The following BCAS3 variants were observed in gnomAD, a reference collection of about 807,000 sequenced individuals.
The protein encoded by BCAS3 is BCAS4/BCAS3 fusion.
A neutral mutation model predicts 116.1 loss-of-function variants in BCAS3; 53 were observed. The ratio of observed to expected loss-of-function variants is 0.46; its 90% CI spans 0.37 to 0.57. BCAS3 has a LOEUF of 0.57. Among genes scored for constraint, BCAS3 ranks in the 20% least tolerant of loss-of-function variants. BCAS3 has a pLI of 0.00. For synonymous variants in BCAS3, 391 were observed against 408.2 expected (o/e 0.96, Z 0.51); for missense variants, 917 against 1,165.4 (o/e 0.79, Z 3.10).
Position 61,037,916 on chromosome 17 carries a change from C to T in BCAS3, c.1790C>T (p.Ser597Phe). ...KDQSKQVVVESLYIISCYGTL... is the reference protein window; with the variant it reads ...KDQSKQVVVEFLYIISCYGTL... Reference sequence around the variant, plus strand: ...CAGTCCAAACAAGTTGTAGTTGAGTCCCTGTACATTATCAGTTGCTATGGC... The same window carrying T: ...CAGTCCAAACAAGTTGTAGTTGAGTTCCTGTACATTATCAGTTGCTATGGC... Residue 597 changes from serine to phenylalanine, a missense_variant, in exon 18 of 24, where the codon TCC (serine) becomes TTC (phenylalanine). Ser to Phe is a radical substitution (Grantham distance 155). Around this residue, in one of 3 missense-constraint regions of BCAS3, gnomAD observed 807 missense variants for 1,026.0 expected, o/e 0.79. Transcript: ENST00000407086. This position sits in a 1 kb window ranked among gnomAD's most constrained non-coding sequence, Gnocchi z 4.7. The T allele has an allele frequency of 6.2e-7, 1 of 1,613,994 alleles. No homozygotes were observed.
chr17:61,152,567 G>C (rs1454348704), intron 22 of BCAS3, among the ~76,000 whole-genome samples: 19 of 152,138 alleles, frequency 1.2e-4, no homozygotes, highest in Admixed American at 1.2e-3. Flanking sequence ...TAGTGCTAAG[G>C]CTTGAACATG....
Position 61,355,055 on chromosome 17 carries a change from G to A in BCAS3, c.2426-13272G>A, listed in dbSNP as rs1237746887. ...TTTGAAATTCCCAAGGCCAGCAGGG[G>A]GCCCAGGCCTGCAAAGCTGGGCCTC... On this transcript the variant is annotated intron_variant, in intron 22 of 23. Transcript: ENST00000407086. This position sits in a 1 kb window ranked among gnomAD's most constrained non-coding sequence, Gnocchi z 4.2. 6.6e-6 allele frequency: 1 copy of A among 152,098 alleles called. No individual in the cohort carries two copies. Among genetic ancestry groups the A allele is most frequent in the African/African-American group, 2.4e-5 (1 of 41,432 alleles). The allele number at this position is 152,098 out of a possible 1,614,324, so 9.4% of individuals were successfully genotyped here.
At chr17:61,275,820 G>A (rs754971987) in intron 22 of BCAS3, among the ~76,000 whole-genome samples, 3 of 152,144 alleles carry the variant, frequency 2.0e-5, no homozygotes, top group Non-Finnish European at 2.9e-5. Flanking sequence ...CCTTCAGAGC[G>A]TAATGATTGC....
chr17:61,060,514 A>G (rs2069900164), intron 19 of BCAS3, among the ~76,000 whole-genome samples: 1 of 152,156 alleles, frequency 6.6e-6, no homozygotes, highest in African/African-American at 2.4e-5. Context: ...AAGTATTACT[A>G]TGATTTTTTA....
rs141781783 is a variant in BCAS3, at chr17:61,235,170, A to G, written c.2426-133157A>G. Among the ~76,000 whole-genome samples, 1,003 of 152,302 alleles carry G rather than the reference A, an allele frequency of 6.6e-3. 13 individuals are homozygous for G. Among genetic ancestry groups the G allele is most frequent in the African/African-American group, 0.023 (958 of 41,564 alleles). On this transcript the variant is annotated intron_variant, in intron 22 of 23. Transcript: ENST00000407086. The surrounding 1 kb of genome is among the most constrained non-coding windows in gnomAD (Gnocchi z 5.0). ...CCAAAGTGCTGGGATTATAGGCGTG[A>G]ACCACCACGCCTGGCTGTCTGCCCC...
At position 61,307,084 on chromosome 17, in the gene BCAS3, C is replaced by T. The variant is rs2144762589; in HGVS notation, c.2426-61243C>T. ...TTCAGTATTGATCAGGGAGTCATTC[C>T]CACTGAGTCCTTCAAGTTTTCTTTT... On this transcript the variant is annotated intron_variant, in intron 22 of 23. Transcript: ENST00000407086. This position sits in a 1 kb window ranked among gnomAD's most constrained non-coding sequence, Gnocchi z 4.7. Among the ~76,000 whole-genome samples the T allele has an allele frequency of 6.6e-6, 1 of 152,306 alleles. No individual in the cohort carries two copies. The highest frequency in any genetic ancestry group is 2.4e-5 in the African/African-American group (1 of 41,564).
In BCAS3 at chr17:61,313,546, G is replaced by A. The variant is rs2054496474; in HGVS notation, c.2426-54781G>A. Among the ~76,000 whole-genome samples the A allele has an allele frequency of 6.6e-6, 1 of 152,158 alleles. No homozygotes were observed. The highest frequency in any genetic ancestry group is 6.5e-5 in the Admixed American group (1 of 15,280). Reference sequence around the variant, plus strand: ...CCCCACAGGAGAGGCCTGGCTGAACGGGGATTTGTGTGGGCCAGACAATGT... The same window carrying A: ...CCCCACAGGAGAGGCCTGGCTGAACAGGGATTTGTGTGGGCCAGACAATGT... On this transcript the variant is annotated intron_variant, in intron 22 of 23. Coordinates refer to ENST00000407086, the MANE Select transcript of BCAS3 (RefSeq NM_017679.5). The surrounding 1 kb of genome is among the most constrained non-coding windows in gnomAD (Gnocchi z 4.3).
At chr17:61,080,372 C>T (rs185210806) in intron 21 of BCAS3, among the ~76,000 whole-genome samples, 83 of 152,298 alleles carry the variant, frequency 5.4e-4, no homozygotes, top group Non-Finnish European at 1.1e-3. Flanking sequence ...CTAATGCCAG[C>T]ACCCTAGCAA....
rs548919785 is a variant in BCAS3 at position 61,199,424 on chromosome 17, C to G, written c.2425+114860C>G. ...TCGACATCATACTGACTACAAATTA[C>G]CTCCCCTAGTTTAAAGGCAAATAGT... On this transcript the variant is annotated intron_variant, in intron 22 of 23. Coordinates refer to ENST00000407086, the MANE Select transcript of BCAS3 (RefSeq NM_017679.5). This position sits in a 1 kb window ranked among gnomAD's most constrained non-coding sequence, Gnocchi z 4.6. Among the ~76,000 whole-genome samples the G allele has an allele frequency of 6.6e-6, 1 of 152,196 alleles. No individual in the cohort carries two copies. The highest frequency in any genetic ancestry group is 2.4e-5 in the African/African-American group (1 of 41,454).
At chr17:61,100,852 A>T (rs2074282095) in intron 22 of BCAS3, among the ~76,000 whole-genome samples, 1 of 148,834 alleles carries the variant, frequency 6.7e-6, no homozygotes, top group African/African-American at 2.6e-5. Flanking sequence ...TCTGTTTTTA[A>T]CAACATACTT....
At chr17:61,225,736 A>G (rs1381238142) in intron 22 of BCAS3, among the ~76,000 whole-genome samples, 2 of 152,164 alleles carry the variant, frequency 1.3e-5, no homozygotes, top group Non-Finnish European at 2.9e-5. Context: ...TATTATCCCT[A>G]CAATCCAGAA....
At position 61,281,948 on chromosome 17, in the gene BCAS3, C is replaced by CTG. The variant is rs2051283969; in HGVS notation, c.2426-86378_2426-86377insGT. ...TTGTGCACATAATAGATGTTCAAGA[C>CTG]TTTTTTCTAAACAGCTATTTCAATT... On this transcript the variant is annotated intron_variant, in intron 22 of 23. Coordinates refer to ENST00000407086, the MANE Select transcript of BCAS3 (RefSeq NM_017679.5). The surrounding 1 kb of genome is among the most constrained non-coding windows in gnomAD (Gnocchi z 4.2). 1.3e-5 allele frequency among the ~76,000 whole-genome samples: 2 copies of CTG among 152,076 alleles called. No individual in the cohort carries two copies. The highest frequency in any genetic ancestry group is 4.1e-4 in the South Asian group (2 of 4,832).
chr17:61,148,648 A>G (rs1027895988), intron 22 of BCAS3, among the ~76,000 whole-genome samples: 2 of 152,072 alleles, frequency 1.3e-5, no homozygotes, highest in Non-Finnish European at 2.9e-5. Context: ...TGTATGTTCC[A>G]CTCCATTTTA....
Position 61,219,956 on chromosome 17 carries a change from G to A in BCAS3, c.2425+135392G>A, listed in dbSNP as rs1168127792. Among the ~76,000 whole-genome samples the A allele has an allele frequency of 6.6e-6, 1 of 152,140 alleles. No individual in the cohort carries two copies. The highest frequency in any genetic ancestry group is 1.5e-5 in the Non-Finnish European group (1 of 68,026). On this transcript the variant is annotated intron_variant, in intron 22 of 23. Transcript: ENST00000407086. The surrounding 1 kb of genome is among the most constrained non-coding windows in gnomAD (Gnocchi z 5.2). ...AGAGGGTCTAACCAGAAATAAGTTT[G>A]CCATTCCCACAACCTTTCAGAGGAA...
rs373563253 is a variant in BCAS3, at chr17:61,201,820, G to A, written c.2425+117256G>A. Among the ~76,000 whole-genome samples the A allele has an allele frequency of 8.5e-4, 129 of 150,896 alleles. 1 individual carries two copies. The highest frequency in any genetic ancestry group is 3.5e-3 in the Middle Eastern group (1 of 286). On this transcript the variant is annotated intron_variant, in intron 22 of 23. Transcript: ENST00000407086. ...GTCGCCCAGGCTGCAGTGCAGTGGC[G>A]CAATCTCGGCTCACTGCAACCTCCG...
intron 4 of BCAS3, among the ~76,000 whole-genome samples, chr17:60,704,742 G>A (rs1372093205): frequency 1.3e-5 from 2 of 151,982 alleles, no homozygotes; most frequent in Non-Finnish European, 2.9e-5. Context: ...GGAGGCTGAG[G>A]CAGGAGAATC....
chr17:61,080,754 C>T (rs1221583227), intron 21 of BCAS3, among the ~76,000 whole-genome samples: 2 of 152,078 alleles, frequency 1.3e-5, no homozygotes, highest in South Asian at 2.1e-4. Context: ...AGTGAGACTC[C>T]GTCTCAAAAC....
At chr17:61,303,925 G>A (rs994884349) in intron 22 of BCAS3, among the ~76,000 whole-genome samples, 1 of 152,116 alleles carries the variant, frequency 6.6e-6, no homozygotes, top group East Asian at 1.9e-4. Context: ...TAGGCATATT[G>A]TTCCTAGTCT....
intron 22 of BCAS3, among the ~76,000 whole-genome samples, chr17:61,291,308 A>C (rs2144704214): frequency 1.3e-5 from 2 of 152,326 alleles, no homozygotes; most frequent in South Asian, 4.1e-4. Context: ...TTACATATAA[A>C]ATAGCATGAA....
Sources: allele counts gnomAD v4.1 joint callset (sites outside exome capture counted in the v4.1 genomes callset), GRCh38; gene constraint gnomAD v4.1.1; regional missense constraint gnomAD v4.1.1; non-coding constraint Gnocchi (gnomAD v3.1); transcripts MANE v1.5; gene names NCBI Gene and HGNC (gene_info 2026-07-23, HGNC 2026-07-21).